The following HIPK2 variants were observed in gnomAD, a reference collection of about 807,000 sequenced individuals.
HIPK2 encodes the protein homeodomain interacting protein kinase 2.
In HIPK2, 27 loss-of-function variants were observed where a neutral mutation model predicts 113.7. The ratio of observed to expected loss-of-function variants is 0.24; its 90% CI spans 0.17 to 0.33. The LOEUF is 0.33. Ranked by LOEUF, HIPK2 falls within the 10% of genes least tolerant of loss-of-function variation. The probability of loss-of-function intolerance (pLI) is 1.00; values close to 1 mark genes in which losing one functional copy is unlikely to be tolerated. For synonymous variants in HIPK2, 631 were observed against 642.2 expected, an observed-to-expected ratio of 0.98 and a Z score of 0.26; for missense variants, 1,257 against 1,588.0, an observed-to-expected ratio of 0.79 and a Z score of 3.54.
At chr7:139,693,975 A>G (rs1232252532) in intron 2 of HIPK2, among the ~76,000 whole-genome samples, 3 of 152,214 alleles carry the variant, frequency 2.0e-5, no homozygotes, top group Admixed American at 6.5e-5. Context: ...TTCCACATGC[A>G]TAAAGAGTGC....
rs114296939 is a variant in HIPK2 at position 139,687,136 on chromosome 7, C to T, written c.1103+28796G>A. On this transcript the variant is annotated intron_variant, in intron 2 of 14. Transcript: ENST00000406875. ...TCATTTATTTATTTAAAAATGATGTCTTGCTATGTTGGCCAGACTGGTCTC... is the reference window on the plus strand; with the variant it reads ...TCATTTATTTATTTAAAAATGATGTTTTGCTATGTTGGCCAGACTGGTCTC... Among the ~76,000 whole-genome samples the T allele has an allele frequency of 8.8e-3, 1,345 of 152,316 alleles. 23 individuals are homozygous for T. The highest frequency in any genetic ancestry group is 0.031 in the African/African-American group (1,280 of 41,568).
chr7:139,707,072 A>T (rs1794922219), intron 2 of HIPK2, among the ~76,000 whole-genome samples: 1 of 152,196 alleles, frequency 6.6e-6, no homozygotes, highest in South Asian at 2.1e-4. Context: ...CTTCCCAGGC[A>T]CACTCCTGGA....
intron 13 of HIPK2, among the ~76,000 whole-genome samples, chr7:139,576,421 G>A (rs1056452756): frequency 3.3e-5 from 5 of 152,162 alleles, no homozygotes; most frequent in African/African-American, 1.2e-4. Flanking sequence ...AAGCTCCCAG[G>A]GGGTGCCAGT....
At chr7:139,664,511 G>A (rs558060442) in intron 2 of HIPK2, among the ~76,000 whole-genome samples, 33 of 152,142 alleles carry the variant, frequency 2.2e-4, no homozygotes, top group African/African-American at 5.3e-4. Flanking sequence ...CACTCCAGCC[G>A]GGGCAACACA....
intron 1 of HIPK2, among the ~76,000 whole-genome samples, chr7:139,766,892 A>AGCTGGATCT (rs1406631423): frequency 1.3e-5 from 2 of 152,232 alleles, no homozygotes; most frequent in African/African-American, 2.4e-5. Context: ...TACACAGACC[A>AGCTGGATCT]GCTGGCTCTG....
At position 139,623,067 on chromosome 7, in the gene HIPK2, C is replaced by T. The variant is rs115301729; in HGVS notation, c.1620-2504G>A. The stretch of plus-strand genomic sequence containing the variant: ...GCACCCCTATCCTCAGTCTCCTATC[C>T]GTAGCTGTTTCTCAGTCATCCCATT... On this transcript the variant is annotated intron_variant, in intron 6 of 14. Transcript: ENST00000406875. 3.9e-3 allele frequency among the ~76,000 whole-genome samples: 600 copies of T among 152,296 alleles called. 2 individuals are homozygous for T. The highest frequency in any genetic ancestry group is 0.013 in the African/African-American group (561 of 41,562).
chr7:139,596,486 A>C (rs1319061246), intron 12 of HIPK2, among the ~76,000 whole-genome samples: 1 of 152,234 alleles, frequency 6.6e-6, no homozygotes, highest in Non-Finnish European at 1.5e-5. Flanking sequence ...TAGGGCCTAT[A>C]ATTATCTTTT....
chr7:139,768,930 A>G (rs1012380070), intron 1 of HIPK2, among the ~76,000 whole-genome samples: 1 of 152,178 alleles, frequency 6.6e-6, no homozygotes, highest in Admixed American at 6.5e-5. Context: ...CAGCCTCTTC[A>G]TTGCTCTGGC....
chr7:139,593,217 A>G (rs1304224539), intron 12 of HIPK2, among the ~76,000 whole-genome samples: 1 of 152,258 alleles, frequency 6.6e-6, no homozygotes, highest in Non-Finnish European at 1.5e-5. Flanking sequence ...TAGAACCTGT[A>G]TCAATTTGGG....
In HIPK2 at chr7:139,571,183, C is replaced by A. The variant is rs1266303990; in HGVS notation, c.*1744G>T. 6.6e-6 allele frequency: 1 copy of A among 152,306 alleles called. No individual in the cohort carries two copies. The highest frequency in any genetic ancestry group is 1.5e-5 in the Non-Finnish European group (1 of 68,108). The allele number at this position is 152,306 out of a possible 1,614,324, so 9.4% of individuals were successfully genotyped here. Reference sequence around the variant, plus strand: ...ACCTGGGTAATGTGAGGAGAGAATTCAACAGCAAACAGAGGTTGGTGGTTG... The same window carrying A: ...ACCTGGGTAATGTGAGGAGAGAATTAAACAGCAAACAGAGGTTGGTGGTTG... On this transcript the variant is annotated 3_prime_UTR_variant, in exon 15 of 15. Transcript: ENST00000406875.
intron 1 of HIPK2, among the ~76,000 whole-genome samples, chr7:139,771,562 C>T (rs1182955596): frequency 2.6e-5 from 4 of 152,110 alleles, no homozygotes; most frequent in African/African-American, 9.7e-5. Context: ...TTATGAAGCG[C>T]CTACTAGGTT....
intron 1 of HIPK2, among the ~76,000 whole-genome samples, chr7:139,727,935 ATTTTTTTTTTTTTTT>A (rs10524758): frequency 8.6e-6 from 1 of 116,664 alleles, no homozygotes; most frequent in Admixed American, 9.1e-5. Context: ...GCATTGGCTA[ATTTTTTTTTTTTTTT>A]TTTTTTTTTG....
Position 139,697,871 on chromosome 7 carries a change from T to A in HIPK2, c.1103+18061A>T, listed in dbSNP as rs1031773364. Among the ~76,000 whole-genome samples, 127 of 149,450 alleles carry A rather than the reference T, an allele frequency of 8.5e-4. 3 individuals are homozygous for A. The highest frequency in any genetic ancestry group is 9.7e-4 in the Non-Finnish European group (65 of 67,338). ...CATTCTGTCTTAATGGAATTTTTTT[T>A]TTTTTTTTTTTTTTTTGAGACGGAG... On this transcript the variant is annotated intron_variant, in intron 2 of 14. Coordinates refer to ENST00000406875, the MANE Select transcript of HIPK2 (RefSeq NM_022740.5).
intron 2 of HIPK2, among the ~76,000 whole-genome samples, chr7:139,656,777 A>G (rs1801684997): frequency 6.6e-6 from 1 of 151,082 alleles, no homozygotes; most frequent in East Asian, 1.9e-4. Context: ...TACTCTCCTT[A>G]CTCGACACTT....
At chr7:139,755,455 A>G (rs961249224) in intron 1 of HIPK2, among the ~76,000 whole-genome samples, 1 of 152,240 alleles carries the variant, frequency 6.6e-6, no homozygotes, top group Non-Finnish European at 1.5e-5. Flanking sequence ...CCAATAATCT[A>G]CTAATAAACA....
intron 2 of HIPK2, among the ~76,000 whole-genome samples, chr7:139,634,603 C>T (rs1227945090): frequency 6.6e-6 from 1 of 151,298 alleles, no homozygotes; most frequent in Non-Finnish European, 1.5e-5. Flanking sequence ...TCTAGCAGTG[C>T]CTTTAGAGAT....
At chr7:139,586,703 G>A (rs1043436248) in intron 12 of HIPK2, among the ~76,000 whole-genome samples, 1 of 151,760 alleles carries the variant, frequency 6.6e-6, no homozygotes, top group Non-Finnish European at 1.5e-5. Context: ...AGGCTGCAGT[G>A]AGCTATGATC....
intron 1 of HIPK2, among the ~76,000 whole-genome samples, chr7:139,748,893 A>G (rs543383995): frequency 7.9e-5 from 12 of 152,286 alleles, no homozygotes; most frequent in African/African-American, 2.6e-4. Context: ...TTTGTAAGAA[A>G]TTACTGGCTA....
intron 2 of HIPK2, among the ~76,000 whole-genome samples, chr7:139,668,748 A>G (rs1802151135): frequency 6.6e-6 from 1 of 152,200 alleles, no homozygotes; most frequent in African/African-American, 2.4e-5. Flanking sequence ...AATGCTATTC[A>G]AAATTTCTGG....
Sources: gnomAD v4.1 joint callset for allele counts (sites outside exome capture counted in the v4.1 genomes callset) on GRCh38, gnomAD v4.1.1 for gene constraint, MANE v1.5 for transcripts, NCBI Gene and HGNC (gene_info 2026-07-23, HGNC 2026-07-21) for gene names.